MECOM: variants seen among roughly 807,000 people sequenced by gnomAD.
MECOM encodes the protein MDS1 and EVI1 complex locus.
MECOM carries 13 observed loss-of-function variants against 116.3 expected under a neutral mutation model. The observed-to-expected ratio is 0.11, with a 90% CI of 0.07 to 0.18. The LOEUF is 0.18. Ranked by LOEUF, MECOM falls within the 10% of genes least tolerant of loss-of-function variation. The pLI is 1.00. For missense variants in MECOM, 1,299 were observed against 1,509.0 expected, an observed-to-expected ratio of 0.86 and a Z score of 2.31; for synonymous variants, 528 against 535.2, an observed-to-expected ratio of 0.99 and a Z score of 0.19.
At chr3:169,185,628 T>C (rs1746602444) in intron 2 of MECOM, among the ~76,000 whole-genome samples, 1 of 152,200 alleles carries the variant, frequency 6.6e-6, no homozygotes, top group South Asian at 2.1e-4. Flanking sequence ...AGGCTTCTTT[T>C]CTACGGTTCA....
At chr3:169,290,234 T>C (rs9847990) in intron 2 of MECOM, among the ~76,000 whole-genome samples, 29,750 of 152,132 alleles carry the variant, frequency 0.2, 7,135 homozygotes, top group African/African-American at 0.57. Context: ...GGGGCACACT[T>C]GAGATATTTT....
At chr3:169,643,513 G>A (rs1218283503) in intron 1 of MECOM, among the ~76,000 whole-genome samples, 2 of 152,006 alleles carry the variant, frequency 1.3e-5, no homozygotes, top group Non-Finnish European at 2.9e-5. Flanking sequence ...AATCCAAATG[G>A]CAGAAAAGTG....
intron 1 of MECOM, among the ~76,000 whole-genome samples, chr3:169,504,134 A>AAAAAAG (rs3044763): frequency 0.17 from 24,188 of 143,998 alleles, 2,208 homozygotes; most frequent in East Asian, 0.33. Flanking sequence ...GCTCTCAAAA[A>AAAAAAG]AAAAAGAAAA....
chr3:169,405,331 T>C (rs1025794802), intron 1 of MECOM, among the ~76,000 whole-genome samples: 16 of 152,090 alleles, frequency 1.1e-4, no homozygotes, highest in Admixed American at 3.3e-4. Flanking sequence ...GGCACAATTA[T>C]AGAATTTGTT....
chr3:169,156,975 C>G (rs947438052), intron 2 of MECOM, among the ~76,000 whole-genome samples: 1 of 152,124 alleles, frequency 6.6e-6, no homozygotes, highest in African/African-American at 2.4e-5. Context: ...AATCAGATGG[C>G]ATACAAAATT....
chr3:169,223,277 C>T (rs1253156777), intron 2 of MECOM, among the ~76,000 whole-genome samples: 1 of 87,748 alleles, frequency 1.1e-5, no homozygotes, highest in Non-Finnish European at 2.2e-5. Context: ...ATCCCTCCCC[C>T]CTCCCCCCTC....
At chr3:169,507,812 C>T (rs1013904729) in intron 1 of MECOM, among the ~76,000 whole-genome samples, 2 of 148,346 alleles carry the variant, frequency 1.3e-5, no homozygotes, top group African/African-American at 2.5e-5. Context: ...CAGGCACCGC[C>T]ACCACGCCCG....
chr3:169,146,252 CT>C (rs1739880817), intron 2 of MECOM: 1 of 1,186,274 alleles, frequency 8.4e-7, no homozygotes, highest in African/African-American at 1.5e-5. Context: ...CCGAATGTGA[CT>C]TTCTCGCGAA....
At chr3:169,385,892 C>T (rs1733240303) in intron 1 of MECOM, among the ~76,000 whole-genome samples, 2 of 152,036 alleles carry the variant, frequency 1.3e-5, no homozygotes, top group East Asian at 3.9e-4. Context: ...ATCAGTGGTC[C>T]CATAAAGATA....
At chr3:169,552,236 C>T (rs1291546910) in intron 1 of MECOM, among the ~76,000 whole-genome samples, 5 of 151,356 alleles carry the variant, frequency 3.3e-5, no homozygotes, top group African/African-American at 1.2e-4. Flanking sequence ...GTGAAGAAAT[C>T]GTAGTCAGGA....
Position 169,236,554 on chromosome 3 carries a change from A to G in MECOM, c.376-92722T>C, listed in dbSNP as rs181869271. ...TTTTTAACACCTCACATGATCTGCCATGTGTATATTGTGTATATTTCATGC... is the reference window on the plus strand; with the variant it reads ...TTTTTAACACCTCACATGATCTGCCGTGTGTATATTGTGTATATTTCATGC... On this transcript the variant is annotated intron_variant, in intron 2 of 16. Transcript: ENST00000651503. 2.0e-3 allele frequency among the ~76,000 whole-genome samples: 308 copies of G among 152,308 alleles called. 2 individuals are homozygous for G. The highest frequency in any genetic ancestry group is 7.0e-3 in the African/African-American group (293 of 41,574).
At chr3:169,127,056 C>T (rs1260811888) in intron 5 of MECOM, among the ~76,000 whole-genome samples, 2 of 151,858 alleles carry the variant, frequency 1.3e-5, no homozygotes, top group East Asian at 3.9e-4. Flanking sequence ...TGGACCAAGG[C>T]AAAAATCATT....
intron 3 of MECOM, among the ~76,000 whole-genome samples, chr3:169,139,889 A>G (rs1449969965): frequency 1.3e-5 from 2 of 152,054 alleles, no homozygotes; most frequent in East Asian, 3.8e-4. Flanking sequence ...ATGTCCACCA[A>G]TCAAAATGGT....
intron 2 of MECOM, among the ~76,000 whole-genome samples, chr3:169,199,026 C>T (rs1748809641): frequency 1.3e-5 from 2 of 152,000 alleles, no homozygotes; most frequent in South Asian, 4.1e-4. Flanking sequence ...GTTTACTGAA[C>T]ATTTATTGAC....
In MECOM at chr3:169,099,958, A is replaced by G. The variant is rs567748722; in HGVS notation, c.2849+927T>C. ...ATGTAATAGAATAAACTAAGAGGTA[A>G]TTTAGGAAATTATTGATAAAATTGC... On this transcript the variant is annotated intron_variant, in intron 12 of 16. Transcript: ENST00000651503. Among the ~76,000 whole-genome samples, 11 of 152,214 alleles carry G rather than the reference A, an allele frequency of 7.2e-5. No individual in the cohort carries two copies. In the East Asian group the frequency reaches 2.1e-3, roughly 29 times the overall value.
chr3:169,448,715 A>C (rs1745064951), intron 1 of MECOM, among the ~76,000 whole-genome samples: 1 of 152,198 alleles, frequency 6.6e-6, no homozygotes, highest in African/African-American at 2.4e-5. Flanking sequence ...GTCATAACAC[A>C]TTGCATAATT....
At chr3:169,660,831 C>G (rs1230054843) in intron 1 of MECOM, among the ~76,000 whole-genome samples, 1 of 152,146 alleles carries the variant, frequency 6.6e-6, no homozygotes, top group Non-Finnish European at 1.5e-5. Flanking sequence ...TCCTTTATTA[C>G]CCAGATTGTA....
At position 169,258,688 on chromosome 3, in the gene MECOM, C is replaced by T. The variant is rs188697589; in HGVS notation, c.376-114856G>A. ...TCTCGCTGTCTGAAAACTGAAGATA[C>T]ACTCATCCCAAATTTCTGTGAATGG... is the stretch of plus-strand genomic sequence containing the variant. On this transcript the variant is annotated intron_variant, in intron 2 of 16. Coordinates refer to ENST00000651503, the MANE Select transcript of MECOM (RefSeq NM_004991.4). Among the ~76,000 whole-genome samples the T allele has an allele frequency of 1.3e-4, 20 of 152,320 alleles. No individual in the cohort carries two copies. In the East Asian group the frequency reaches 3.7e-3, roughly 28 times the overall value.
chr3:169,407,930 C>G (rs748915949), intron 1 of MECOM, among the ~76,000 whole-genome samples: 1 of 152,188 alleles, frequency 6.6e-6, no homozygotes, highest in Non-Finnish European at 1.5e-5. Context: ...TTGGATCCAT[C>G]TACTTATTGG....
Sources: allele counts gnomAD v4.1 joint callset (sites outside exome capture counted in the v4.1 genomes callset), GRCh38; gene constraint gnomAD v4.1.1; transcripts MANE v1.5; gene names NCBI Gene and HGNC (gene_info 2026-07-23, HGNC 2026-07-21).